The following NCK2 variants were observed in gnomAD, a reference collection of about 807,000 sequenced individuals.
NCK2 encodes the protein cytoplasmic protein NCK2.
Under a neutral mutation model 33.9 loss-of-function variants are expected in NCK2, and 16 were observed. The observed-to-expected ratio is 0.47, with a 90% CI of 0.32 to 0.72. The LOEUF is 0.72. Among genes scored for constraint, NCK2 ranks in the 30% least tolerant of loss-of-function variants. The pLI is 0.03. For missense variants in NCK2, 418 were observed against 537.3 expected, an observed-to-expected ratio of 0.78 and a Z score of 2.19; for synonymous variants, 273 against 239.9, an observed-to-expected ratio of 1.14 and a Z score of -1.27.
intron 1 of NCK2, among the ~76,000 whole-genome samples, chr2:105,775,088 G>T (rs753089756): frequency 2.6e-5 from 4 of 152,172 alleles, no homozygotes; most frequent in Non-Finnish European, 2.9e-5. Flanking sequence ...ACACCATGGT[G>T]TCTGAATACC....
At chr2:105,812,963 G>C (rs984611281) in intron 1 of NCK2, among the ~76,000 whole-genome samples, 1 of 152,178 alleles carries the variant, frequency 6.6e-6, no homozygotes, top group Non-Finnish European at 1.5e-5. Flanking sequence ...CGGCCACCCA[G>C]GGTGGCAGAT....
chr2:105,747,486 T>G (rs1179158599), intron 1 of NCK2, among the ~76,000 whole-genome samples: 1 of 152,208 alleles, frequency 6.6e-6, no homozygotes, highest in Non-Finnish European at 1.5e-5. Flanking sequence ...CTGCTCAAAC[T>G]GGCTTGCCGT....
intron 2 of NCK2, among the ~76,000 whole-genome samples, chr2:105,845,593 A>T (rs934636932): frequency 1.3e-5 from 2 of 151,832 alleles, no homozygotes; most frequent in African/African-American, 4.8e-5. Context: ...TGAGGTTTCA[A>T]ATGTTGGCCA....
intron 3 of NCK2, among the ~76,000 whole-genome samples, chr2:105,878,272 G>C (rs1024810368): frequency 2.6e-5 from 4 of 152,232 alleles, no homozygotes; most frequent in African/African-American, 9.6e-5. Flanking sequence ...TCATGGGCCA[G>C]ATTGCATCTT....
intron 3 of NCK2, among the ~76,000 whole-genome samples, chr2:105,878,313 G>A (rs778489948): frequency 2.0e-5 from 3 of 152,222 alleles, no homozygotes; most frequent in Non-Finnish European, 2.9e-5. Flanking sequence ...CCAATCCCCA[G>A]GACCTCAGAA....
rs529222447 is a variant in NCK2 at position 105,864,713 on chromosome 2, A to G, written c.226+9424A>G. ...ATTAGGTACCTCAGCCAGGCATTCA[A>G]TTTCTCTCATGTTAAAGACTGGACC... On this transcript the variant is annotated intron_variant, in intron 3 of 4. Transcript: ENST00000233154. Among the ~76,000 whole-genome samples, 172 of 151,926 alleles carry G rather than the reference A, an allele frequency of 1.1e-3. 1 individual carries two copies. The highest frequency in any genetic ancestry group is 3.7e-3 in the African/African-American group (153 of 41,436).
chr2:105,832,884 CGTTTT>C (rs1008887473), intron 2 of NCK2, among the ~76,000 whole-genome samples: 11 of 143,392 alleles, frequency 7.7e-5, no homozygotes, highest in African/African-American at 2.6e-4. Flanking sequence ...GTTTTTGTTT[CGTTTT>C]GTTTTGTTTT....
At chr2:105,869,052 G>A (rs191357483) in intron 3 of NCK2, among the ~76,000 whole-genome samples, 8 of 152,284 alleles carry the variant, frequency 5.3e-5, no homozygotes, top group East Asian at 3.9e-4. Context: ...AGCAGCATAC[G>A]ATCCAGCCCC....
chr2:105,775,212 G>A (rs1239482114), intron 1 of NCK2, among the ~76,000 whole-genome samples: 1 of 152,124 alleles, frequency 6.6e-6, no homozygotes, highest in South Asian at 2.1e-4. Flanking sequence ...ACTGTGTGTG[G>A]CATGTGGGTG....
At chr2:105,760,334 C>G (rs145862828) in intron 1 of NCK2, among the ~76,000 whole-genome samples, 194 of 152,258 alleles carry the variant, frequency 1.3e-3, no homozygotes, top group African/African-American at 4.5e-3. Context: ...ATGCAAATTC[C>G]GGGGAACTGC....
At chr2:105,839,086 A>G (rs1257281315) in intron 2 of NCK2, among the ~76,000 whole-genome samples, 4 of 152,132 alleles carry the variant, frequency 2.6e-5, no homozygotes, top group African/African-American at 9.7e-5. Flanking sequence ...GGGAGGGGAC[A>G]TTTGAATGGC....
intron 2 of NCK2, among the ~76,000 whole-genome samples, chr2:105,841,756 C>A (rs957167416): frequency 3.9e-5 from 6 of 152,192 alleles, no homozygotes; most frequent in African/African-American, 1.4e-4. Flanking sequence ...AAGACACTTA[C>A]ATTTGAGGCT....
intron 4 of NCK2, among the ~76,000 whole-genome samples, chr2:105,882,790 G>A (rs1285172562): frequency 1.3e-5 from 2 of 152,178 alleles, no homozygotes; most frequent in African/African-American, 2.4e-5. Context: ...TTTTGCAAAC[G>A]TCTTTCCGAA....
chr2:105,828,262 G>A (rs1047016528), intron 2 of NCK2, among the ~76,000 whole-genome samples: 17 of 152,170 alleles, frequency 1.1e-4, no homozygotes, highest in Admixed American at 3.9e-4. Flanking sequence ...ATTGGGCACC[G>A]TTCAAGATTG....
At chr2:105,787,428 C>T (rs1448304308) in intron 1 of NCK2, among the ~76,000 whole-genome samples, 1 of 152,136 alleles carries the variant, frequency 6.6e-6, no homozygotes, top group African/African-American at 2.4e-5. Context: ...GATTCCTGCC[C>T]TTCTGAAAAG....
chr2:105,841,671 G>T (rs1440274237), intron 2 of NCK2, among the ~76,000 whole-genome samples: 1 of 152,048 alleles, frequency 6.6e-6, no homozygotes, highest in African/African-American at 2.4e-5. Flanking sequence ...TCCTGCCTTG[G>T]TCTTTCTGGT....
intron 1 of NCK2, among the ~76,000 whole-genome samples, chr2:105,804,384 T>C (rs1244156136): frequency 6.6e-6 from 1 of 152,246 alleles, no homozygotes; most frequent in Non-Finnish European, 1.5e-5. Context: ...CTTTTCTGTC[T>C]TTGTGCCCAG....
At chr2:105,866,082 T>C (rs1677740913) in intron 3 of NCK2, among the ~76,000 whole-genome samples, 1 of 152,034 alleles carries the variant, frequency 6.6e-6, no homozygotes, top group Admixed American at 6.5e-5. Flanking sequence ...ACCCAGTTGA[T>C]TTTGTATTTT....
At chr2:105,820,942 A>T (rs1272120411) in intron 2 of NCK2, among the ~76,000 whole-genome samples, 1 of 152,214 alleles carries the variant, frequency 6.6e-6, no homozygotes, top group African/African-American at 2.4e-5. Context: ...TCCAGCGTGT[A>T]AATGTCAGCA....
Sources: allele counts gnomAD v4.1 joint callset (sites outside exome capture counted in the v4.1 genomes callset), GRCh38; gene constraint gnomAD v4.1.1; transcripts MANE v1.5; gene names NCBI Gene and HGNC (gene_info 2026-07-23, HGNC 2026-07-21).